Variants in FSTL4 observed in about 807,000 individuals in gnomAD.
FSTL4 encodes the protein follistatin-related protein 4.
Under a neutral mutation model 78.2 loss-of-function variants are expected in FSTL4, and 28 were observed. The observed-to-expected ratio is 0.36, with a 90% CI of 0.27 to 0.49. The LOEUF is 0.49. Among genes scored for constraint, FSTL4 ranks in the 20% least tolerant of loss-of-function variants. The pLI is 0.98. For missense variants in FSTL4, 922 were observed against 1,084.9 expected, an observed-to-expected ratio of 0.85 and a Z score of 2.11; for synonymous variants, 422 against 440.5, an observed-to-expected ratio of 0.96 and a Z score of 0.53.
intron 3 of FSTL4, among the ~76,000 whole-genome samples, chr5:133,511,198 G>C (rs1758724566): frequency 6.6e-6 from 1 of 152,166 alleles, no homozygotes; most frequent in Non-Finnish European, 1.5e-5. Context: ...TCTCTCTGTG[G>C]CACAAGTGGT....
intron 3 of FSTL4, among the ~76,000 whole-genome samples, chr5:133,433,293 C>G (rs930940515): frequency 6.6e-6 from 1 of 152,170 alleles, no homozygotes; most frequent in Non-Finnish European, 1.5e-5. Flanking sequence ...ACCTGCCTGT[C>G]CATATTAGTG....
intron 3 of FSTL4, among the ~76,000 whole-genome samples, chr5:133,466,061 G>T (rs1217953185): frequency 6.6e-6 from 1 of 152,202 alleles, no homozygotes; most frequent in African/African-American, 2.4e-5. Flanking sequence ...GAAGGAAACG[G>T]GACATGGCCT....
chr5:133,205,644 A>AAGTC (rs1750473780), intron 14 of FSTL4, among the ~76,000 whole-genome samples: 1 of 152,356 alleles, frequency 6.6e-6, no homozygotes, highest in Non-Finnish European at 1.5e-5. Context: ...AGAATTTAAC[A>AAGTC]AGTCAGCTTT....
At chr5:133,652,409 G>T in the FSTL4 span, among the ~76,000 whole-genome samples, 8 of 151,904 alleles carry the variant, frequency 5.3e-5, no homozygotes, top group African/African-American at 1.9e-4. Flanking sequence ...TCTCTTAAGT[G>T]CTGCTTTCAT....
At chr5:133,753,683 C>G in the FSTL4 span, among the ~76,000 whole-genome samples, 49 of 120,696 alleles carry the variant, frequency 4.1e-4, no homozygotes, top group Admixed American at 2.5e-3. Context: ...CACATTTGTT[C>G]TGTGTGTGTG....
the FSTL4 span, among the ~76,000 whole-genome samples, chr5:133,637,955 TTAATAA>T: frequency 2.7e-3 from 393 of 147,904 alleles, no homozygotes; most frequent in African/African-American, 9.2e-3. Flanking sequence ...ATAATAATAA[TTAATAA>T]TAATAATAAT....
chr5:133,336,278 C>T (rs904836670), intron 4 of FSTL4, among the ~76,000 whole-genome samples: 1 of 152,132 alleles, frequency 6.6e-6, no homozygotes, highest in Non-Finnish European at 1.5e-5. Context: ...CTGAACAGTC[C>T]TCATCACTCA....
chr5:133,487,208 GGT>G (rs1758155945), intron 3 of FSTL4, among the ~76,000 whole-genome samples: 1 of 152,166 alleles, frequency 6.6e-6, no homozygotes, highest in South Asian at 2.1e-4. Flanking sequence ...CAGAGCTCCT[GGT>G]CTCACTGCCC....
chr5:133,217,903 A>T (rs573618452), intron 12 of FSTL4, among the ~76,000 whole-genome samples: 1 of 152,050 alleles, frequency 6.6e-6, no homozygotes, highest in South Asian at 2.1e-4. Flanking sequence ...CAGTGTGCTG[A>T]TCTCTATATG....
At chr5:133,762,127 C>G in the FSTL4 span, among the ~76,000 whole-genome samples, 1 of 152,148 alleles carries the variant, frequency 6.6e-6, no homozygotes, top group Admixed American at 6.5e-5. Context: ...TCTCTCTTCA[C>G]TAGTATTTTC....
intron 4 of FSTL4, among the ~76,000 whole-genome samples, chr5:133,397,678 G>A (rs999282563): frequency 6.6e-6 from 1 of 152,046 alleles, no homozygotes; most frequent in African/African-American, 2.4e-5. Flanking sequence ...CCACAGACGG[G>A]AGCTCTGAAC....
intron 6 of FSTL4, among the ~76,000 whole-genome samples, chr5:133,261,182 C>T (rs923587815): frequency 6.6e-6 from 1 of 152,128 alleles, no homozygotes; most frequent in African/African-American, 2.4e-5. Context: ...CGAGAAGGCC[C>T]CACTGCATGT....
chr5:133,249,333 A>C (rs919898363), intron 7 of FSTL4, 77 bp downstream of exon 7: 1 of 1,146,298 alleles, frequency 8.7e-7, no homozygotes, highest in African/African-American at 1.5e-5. Flanking sequence ...CCGTCCTGCC[A>C]CTGTCTGTGG....
At chr5:133,537,682 C>G (rs1759377000) in intron 3 of FSTL4, among the ~76,000 whole-genome samples, 1 of 151,904 alleles carries the variant, frequency 6.6e-6, no homozygotes, top group African/African-American at 2.4e-5. Context: ...ATTTTGATAT[C>G]ATTTCAAACT....
At chr5:133,378,503 A>T (rs944475226) in intron 4 of FSTL4, among the ~76,000 whole-genome samples, 3 of 152,224 alleles carry the variant, frequency 2.0e-5, no homozygotes, top group Non-Finnish European at 2.9e-5. Flanking sequence ...ATAACTATAT[A>T]CTTGCTCTCA....
At chr5:133,214,833 G>A (rs1750855747) in intron 13 of FSTL4, among the ~76,000 whole-genome samples, 1 of 152,184 alleles carries the variant, frequency 6.6e-6, no homozygotes, top group East Asian at 1.9e-4. Context: ...AATTGTGGGA[G>A]TAGTTATTCT....
chr5:133,220,660 GA>G lies in FSTL4; in HGVS notation c.1458+87del, dbSNP rs1751063555. 6.3e-6 allele frequency: 5 copies of G among 789,796 alleles called. No individual in the cohort carries two copies. The East Asian group carries it at 1.2e-4, about 19-fold the overall frequency. The allele number at this position is 789,796 out of a possible 1,614,324, so 48.9% of individuals were successfully genotyped here. A position where few individuals can be genotyped will look rare whatever the true frequency, so the allele number is the denominator to read the frequency against. ...ACCACATATAGCAAATGGAATTTTA[GA>G]AATCAAATGGCATGCCTGGTTAAAG... On this transcript the variant is annotated intron_variant, in intron 12 of 15. Coordinates refer to ENST00000265342, the MANE Select transcript of FSTL4 (RefSeq NM_015082.2).
the FSTL4 span, among the ~76,000 whole-genome samples, chr5:133,839,481 C>A: frequency 6.6e-6 from 1 of 152,126 alleles, no homozygotes; most frequent in Non-Finnish European, 1.5e-5. Context: ...AGCAAGAAAA[C>A]TTTGTTTCAT....
chr5:133,660,668 C>T, the FSTL4 span, among the ~76,000 whole-genome samples: 7,821 of 152,272 alleles, frequency 0.051, 278 homozygotes, highest in South Asian at 0.11. Flanking sequence ...CACTGGGTGA[C>T]TGCAGACTGA....
Sources: gnomAD v4.1 joint callset for allele counts (sites outside exome capture counted in the v4.1 genomes callset) on GRCh38, gnomAD v4.1.1 for gene constraint, MANE v1.5 for transcripts, NCBI Gene and HGNC (gene_info 2026-07-23, HGNC 2026-07-21) for gene names.